HMCN2: variants seen among roughly 807,000 people sequenced by gnomAD.
HMCN2 encodes hemicentin 2, also known as hemicentin-2.
In HMCN2, 325 loss-of-function variants were observed where a neutral mutation model predicts 377.5. The ratio of observed to expected loss-of-function variants is 0.86; its 90% CI spans 0.79 to 0.94. The LOEUF is 0.94. HMCN2 is among the 40% of genes least tolerant of loss of function. The pLI is 0.00. For synonymous variants in HMCN2, 2,007 were observed against 2,046.8 expected, an observed-to-expected ratio of 0.98 and a Z score of 0.53; for missense variants, 4,543 against 4,725.3, an observed-to-expected ratio of 0.96 and a Z score of 1.13.
chr9:130,433,333 C>A lies in HMCN2; in HGVS notation c.14895-15C>A. ...CCCCCGAGTCCGCCTGTCCGTGTGTCTGTGCCGCCCGCAGGACGTGCTTCC... is the reference window on the plus strand; with the variant it reads ...CCCCCGAGTCCGCCTGTCCGTGTGTATGTGCCGCCCGCAGGACGTGCTTCC... On this transcript the variant is annotated splice_polypyrimidine_tract_variant and intron_variant, in intron 97 of 97. Transcript: ENST00000683500. 1 of 1,428,434 alleles carries A rather than the reference C, an allele frequency of 7.0e-7. No homozygotes were observed. Among genetic ancestry groups the A allele is most frequent in the Non-Finnish European group, 9.1e-7 (1 of 1,099,214 alleles). The allele number at this position is 1,428,434 out of a possible 1,614,324, so 88.5% of individuals were successfully genotyped here. A position where few individuals can be genotyped will look rare whatever the true frequency, so the allele number is the denominator to read the frequency against.
rs781911875 is a variant in HMCN2, at chr9:130,271,371, T to G, written c.259+5234T>G. Among the ~76,000 whole-genome samples, 6 of 149,078 alleles carry G rather than the reference T, an allele frequency of 4.0e-5. 1 individual carries two copies. The highest frequency in any genetic ancestry group is 9.0e-5 in the Non-Finnish European group (6 of 66,366). On this transcript the variant is annotated intron_variant, in intron 1 of 97. Coordinates refer to ENST00000683500, the MANE Select transcript of HMCN2 (RefSeq NM_001291815.2). Reference sequence around the variant, plus strand: ...TATCTACATGGATTATTTGGAATTATTCTGCATGAGAGTTGTCTCTTCTGC... The same window carrying G: ...TATCTACATGGATTATTTGGAATTAGTCTGCATGAGAGTTGTCTCTTCTGC...
intron 54 of HMCN2, among the ~76,000 whole-genome samples, chr9:130,381,375 C>CT (rs371549897): frequency 0.029 from 4,342 of 148,332 alleles, 83 homozygotes; most frequent in Non-Finnish European, 0.039. Flanking sequence ...TTGGATGGCT[C>CT]TTTTTTTTTT....
In HMCN2 at chr9:130,355,981, C is replaced by T. The variant is rs542657973; in HGVS notation, c.5256-107C>T. 25 of 921,252 alleles carry T rather than the reference C, an allele frequency of 2.7e-5. No homozygotes were observed. The Admixed American group carries it at 4.1e-4, about 15-fold the overall frequency. The allele number at this position is 921,252 out of a possible 1,614,324, so 57.1% of individuals were successfully genotyped here. On this transcript the variant is annotated intron_variant, in intron 33 of 97. Transcript: ENST00000683500. ...GGAGTAGGAAAGAGGCCTGGAGCCACGGCTGGTGAGAGCAGGTGGGAGGAA... is the reference window on the plus strand; with the variant it reads ...GGAGTAGGAAAGAGGCCTGGAGCCATGGCTGGTGAGAGCAGGTGGGAGGAA...
Position 130,425,907 on chromosome 9 carries a change from C to G in HMCN2, c.13862C>G (p.Ala4621Gly). 2 of 1,548,766 alleles carry G rather than the reference C, an allele frequency of 1.3e-6. No homozygotes were observed. Among genetic ancestry groups the G allele is most frequent in the South Asian group, 2.4e-5 (2 of 83,978 alleles). ...GCCGAGGCCCTGCGCTTCCAGCTCG[C>G]TACAGCCCTGCAGGCGGGTGAGGCC... ...PEAEALRFQL[A>G]TALQAEENEV... Residue 4621 changes from alanine (A) to glycine (G), a missense_variant, in exon 90 of 98, where the codon GCT (alanine) becomes GGT (glycine). Physicochemically the swap from Ala to Gly is moderately conservative, Grantham distance 60 (BLOSUM62 0). This residue lies in a region of HMCN2 where 1,155 missense variants were observed against 1,157.7 expected (regional missense o/e 1.00). Transcript: ENST00000683500.
Position 130,281,223 on chromosome 9 carries a change from A to G in HMCN2, c.260-3380A>G, listed in dbSNP as rs538658709. 9.2e-5 allele frequency among the ~76,000 whole-genome samples: 14 copies of G among 152,038 alleles called. No homozygotes were observed. In the South Asian group the frequency reaches 2.3e-3, roughly 25 times the overall value. On this transcript the variant is annotated intron_variant, in intron 1 of 97. Coordinates refer to ENST00000683500, the MANE Select transcript of HMCN2 (RefSeq NM_001291815.2). ...GGAGTTAAGAAGAGCTCTGTTCTTG[A>G]GGTCATCCGGACCTGGGCTCATATC...
rs557328693 is a variant in HMCN2 at position 130,352,970 on chromosome 9, C to G, written c.4629C>G (p.Ala1543=). 7.7e-7 allele frequency: 1 copy of G among 1,301,854 alleles called. No individual in the cohort carries two copies. The highest frequency in any genetic ancestry group is 1.0e-6 in the Non-Finnish European group (1 of 987,648). The allele number at this position is 1,301,854 out of a possible 1,614,324, so 80.6% of individuals were successfully genotyped here. ...GCTCCAACGAGACAGGCGAGGTGGC[C>G]GTCATGGAGGACCACCTAGTGCAGC... ...IWGSNETGEV[A]VMEDHLVQLL... is the part of the protein sequence containing the mutation. Residue 1543 remains alanine, a synonymous_variant, in exon 31 of 98, where the codon GCC becomes GCG. Coordinates refer to ENST00000683500, the MANE Select transcript of HMCN2 (RefSeq NM_001291815.2).
At position 130,394,329 on chromosome 9, in the gene HMCN2, G is replaced by A. The variant is rs907901521; in HGVS notation, c.10502-56G>A. On this transcript the variant is annotated intron_variant, in intron 68 of 97. Coordinates refer to ENST00000683500, the MANE Select transcript of HMCN2 (RefSeq NM_001291815.2). The surrounding 1 kb of genome is among the most constrained non-coding windows in gnomAD (Gnocchi z 5.1). ...GACTCAGCACAGTGTTTTCAAGTGC[G>A]GTGCTGTCCCGGAAATGTGTGTCAA... The A allele has an allele frequency of 4.1e-5, 46 of 1,123,246 alleles. No homozygotes were observed. Among genetic ancestry groups the A allele is most frequent in the Middle Eastern group, 2.3e-4 (1 of 4,328 alleles). 69.6% of individuals were successfully genotyped at this position (1,123,246 alleles called of 1,614,324 possible).
intron 43 of HMCN2, among the ~76,000 whole-genome samples, chr9:130,366,467 A>ATTTTTTTTTTTT (rs71499234): frequency 2.4e-5 from 2 of 82,978 alleles, no homozygotes; most frequent in African/African-American, 4.6e-5. Context: ...CACTTCACCA[A>ATTTTTTTTTTTT]TTTTTTTTTT....
Position 130,306,246 on chromosome 9 carries a change from G to T in HMCN2, c.1934G>T (p.Ser645Ile), listed in dbSNP as rs782143570. Reference protein sequence around the residue: ...PTPHISWSRESQALQEDSRIH... With the variant: ...PTPHISWSREIQALQEDSRIH... ...CCCCACATCTCCTGGAGCCGTGAGAGCCAAGCCCTACAAGAGGACAGCAGG... is the reference window on the plus strand; with the variant it reads ...CCCCACATCTCCTGGAGCCGTGAGATCCAAGCCCTACAAGAGGACAGCAGG... Residue 645 changes from serine (S) to isoleucine (I), a missense_variant, in exon 12 of 98, where the codon AGC becomes ATC. This residue lies in a region of HMCN2 where 547 missense variants were observed against 189.9 expected (regional missense o/e 2.88). Transcript: ENST00000683500. The T allele has an allele frequency of 2.1e-6, 1 of 471,092 alleles. No individual in the cohort carries two copies. The highest frequency in any genetic ancestry group is 1.5e-5 in the South Asian group (1 of 64,566). 29.2% of individuals were successfully genotyped at this position (471,092 alleles called of 1,614,324 possible). A position where few individuals can be genotyped will look rare whatever the true frequency, so the allele number is the denominator to read the frequency against.
chr9:130,278,929 C>T (rs1304466192), intron 1 of HMCN2, among the ~76,000 whole-genome samples: 1 of 145,714 alleles, frequency 6.9e-6, no homozygotes, highest in Non-Finnish European at 1.5e-5. Context: ...GACGGAGTCT[C>T]ACTCTGTTGC....
chr9:130,392,460 C>T (rs1001813788), intron 66 of HMCN2, among the ~76,000 whole-genome samples: 26 of 151,936 alleles, frequency 1.7e-4, no homozygotes, highest in African/African-American at 4.8e-4. Flanking sequence ...GTGGTTGGGG[C>T]GAAAGGGGCT....
chr9:130,413,780 C>T (rs928509496), intron 85 of HMCN2, among the ~76,000 whole-genome samples: 61 of 152,130 alleles, frequency 4.0e-4, no homozygotes, highest in African/African-American at 1.4e-3. Context: ...GGCATGTGCA[C>T]CTCAACGAGA....
At position 130,425,089 on chromosome 9, in the gene HMCN2, G is replaced by GT. The variant is rs1844249460; in HGVS notation, c.13602dup (p.Val4535CysfsTer7). 1 of 1,549,858 alleles carries GT rather than the reference G, an allele frequency of 6.5e-7. No homozygotes were observed. On this transcript the variant is annotated frameshift_variant, in exon 89 of 98. Coordinates refer to ENST00000683500, the MANE Select transcript of HMCN2 (RefSeq NM_001291815.2). LOFTEE classifies it high-confidence loss of function. The stretch of plus-strand genomic sequence containing the variant: ...GCTCCTCGACGTGGTGGTCAATGGC[G>GT]TTGTCCCCGAGAGCCTGGCTGACGC...
intron 75 of HMCN2, 37 bp from the exon 76 acceptor site, chr9:130,399,474 C>T (rs1393527083): frequency 1.6e-6 from 2 of 1,250,934 alleles, no homozygotes; most frequent in Admixed American, 2.4e-5. Context: ...TCTCTGTCAG[C>T]CCAGCAGCCA....
chr9:130,394,776 C>A lies in HMCN2; in HGVS notation c.10692+201C>A, dbSNP rs1422088758. Among the ~76,000 whole-genome samples, 2 of 152,180 alleles carry A rather than the reference C, an allele frequency of 1.3e-5. No homozygotes were observed. Among genetic ancestry groups the A allele is most frequent in the Non-Finnish European group, 2.9e-5 (2 of 68,034 alleles). ...GTCAGGGCCCAGGCTGATGCCAAAACCAGGTGACCCCATCTAGGCCAGAGG... is the reference window on the plus strand; with the variant it reads ...GTCAGGGCCCAGGCTGATGCCAAAAACAGGTGACCCCATCTAGGCCAGAGG... On this transcript the variant is annotated intron_variant, in intron 69 of 97. Coordinates refer to ENST00000683500, the MANE Select transcript of HMCN2 (RefSeq NM_001291815.2). This position sits in a 1 kb window ranked among gnomAD's most constrained non-coding sequence, Gnocchi z 5.1.
intron 60 of HMCN2, 55 bp downstream of exon 60, chr9:130,385,817 C>T (rs1841995510): frequency 4.1e-6 from 5 of 1,223,210 alleles, no homozygotes; most frequent in East Asian, 5.8e-5. Flanking sequence ...AGTCGCCTCC[C>T]AGCCCTGGCG....
chr9:130,423,038 C>T lies in HMCN2; in HGVS notation c.13381+312C>T, dbSNP rs887558926. On this transcript the variant is annotated intron_variant, in intron 87 of 97. Transcript: ENST00000683500. The surrounding 1 kb of genome is among the most constrained non-coding windows in gnomAD (Gnocchi z 5.5). ...CTCAGATTGTGGTTTCCCAAGCCAC[C>T]GATGGCTCCCTGAGGCTTTTCCCCA... is the stretch of plus-strand genomic sequence containing the variant. 5.3e-5 allele frequency among the ~76,000 whole-genome samples: 8 copies of T among 152,168 alleles called. No homozygotes were observed. Among genetic ancestry groups the T allele is most frequent in the African/African-American group, 1.4e-4 (6 of 41,446 alleles).
chr9:130,296,525 C>T (rs1181807251), intron 6 of HMCN2, 149 bp from the exon 7 acceptor site: 3 of 373,220 alleles, frequency 8.0e-6, no homozygotes, highest in African/African-American at 6.3e-5. Context: ...TGCTGGGCCC[C>T]TTGGGAGGAG....
rs117107218 is a variant in HMCN2 at position 130,304,098 on chromosome 9, C to T, written c.1543+490C>T. ...AAGATCAGCCACTCTACATAGACAG[C>T]CAGAAACTACACATGCTCTTTGTAG... On this transcript the variant is annotated intron_variant, in intron 10 of 97. Coordinates refer to ENST00000683500, the MANE Select transcript of HMCN2 (RefSeq NM_001291815.2). This position sits in a 1 kb window ranked among gnomAD's most constrained non-coding sequence, Gnocchi z 4.3. Among the ~76,000 whole-genome samples the T allele has an allele frequency of 9.3e-3, 1,410 of 152,312 alleles. 9 individuals carry two copies. The highest frequency in any genetic ancestry group is 0.017 in the Middle Eastern group (5 of 294).
Sources: gnomAD v4.1 joint callset for allele counts (sites outside exome capture counted in the v4.1 genomes callset) on GRCh38, gnomAD v4.1.1 for gene constraint, gnomAD v4.1.1 regional missense constraint, Gnocchi (gnomAD v3.1) non-coding constraint, MANE v1.5 for transcripts, NCBI Gene and HGNC (gene_info 2026-07-23, HGNC 2026-07-21) for gene names.